AHNAK: variants seen among roughly 807,000 people sequenced by gnomAD.
AHNAK encodes neuroblast differentiation-associated protein AHNAK.
AHNAK carries 23 observed loss-of-function variants against 37.8 expected under a neutral mutation model. The observed-to-expected ratio is 0.61, with a 90% CI of 0.44 to 0.86. AHNAK has a LOEUF of 0.86. AHNAK is among the 40% of genes least tolerant of loss of function. AHNAK has a pLI of 0.00. For missense variants in AHNAK, 7,411 were observed against 7,319.4 expected (o/e 1.01, Z -0.46); for synonymous variants, 2,481 against 2,636.3 (o/e 0.94, Z 1.80).
chr11:62,507,198 C>T lies in AHNAK; in HGVS notation c.343-15367G>A, dbSNP rs914327872. Among the ~76,000 whole-genome samples, 6 of 152,268 alleles carry T rather than the reference C, an allele frequency of 3.9e-5. No homozygotes were observed. The South Asian group carries it at 1.0e-3, about 26-fold the overall frequency. ...TGGGCTTTTCAGTCAGCACAGACCCCCGTGTGAATCCTGACTCTGCTGTTT... is the reference window on the plus strand; with the variant it reads ...TGGGCTTTTCAGTCAGCACAGACCCTCGTGTGAATCCTGACTCTGCTGTTT... On this transcript the variant is annotated intron_variant, in intron 4 of 5. Coordinates refer to the AHNAK transcript ENST00000257247.
Position 62,524,108 on chromosome 11 carries a change from C to A in AHNAK, c.10309G>T (p.Gly3437Cys). Residue 3437 changes from glycine (G) to cysteine (C), a missense_variant, in exon 5 of 5, where the codon GGT (glycine) becomes TGT (cysteine). By Grantham distance (159) the Gly-to-Cys change is radical (BLOSUM62 -3). Transcript: ENST00000378024. The stretch of plus-strand genomic sequence containing the variant: ...TTAAAGTCACCTTCTAAATTGGGAC[C>A]TGCAATATCTAAGTCTCCTTTGACT... ...PKVKGDLDIA[G>C]PNLEGDFKGP... The A allele has an allele frequency of 1.2e-6, 2 of 1,614,072 alleles. No homozygotes were observed. Among genetic ancestry groups the A allele is most frequent in the Non-Finnish European group, 1.7e-6 (2 of 1,180,022 alleles).
At chr11:62,440,473 G>A (rs1187104421) in intron 5 of AHNAK, among the ~76,000 whole-genome samples, 3 of 152,068 alleles carry the variant, frequency 2.0e-5, no homozygotes, top group African/African-American at 2.4e-5. Flanking sequence ...CAGAGGGAAC[G>A]GCAGACACAG....
rs936023498 is a variant in AHNAK at position 62,525,983 on chromosome 11, C to T, written c.8434G>A (p.Glu2812Lys). ...CTTTTCCACTTTCCTTCAGGTCCTT[C>T]GATATTCACATCGGGACATTCAACA... The part of the protein sequence containing the change: ...VDVECPDVNI[E>K]GPEGKWKSPK... Residue 2812 changes from glutamate (E) to lysine (K), a missense_variant, in exon 5 of 5, where the codon GAA becomes AAA. Coordinates refer to ENST00000378024, the MANE Select transcript of AHNAK (RefSeq NM_001620.3). 1.9e-6 allele frequency: 3 copies of T among 1,613,998 alleles called. No individual in the cohort carries two copies. The highest frequency in any genetic ancestry group is 1.3e-5 in the African/African-American group (1 of 74,966).
Position 62,524,683 on chromosome 11 carries a change from T to G in AHNAK, c.9734A>C (p.Glu3245Ala), listed in dbSNP as rs749591050. 1 of 1,614,222 alleles carries G rather than the reference T, an allele frequency of 6.2e-7. No homozygotes were observed. The highest frequency in any genetic ancestry group is 8.5e-7 in the Non-Finnish European group (1 of 1,180,036). ...AAGAGCAGGTCCTTTCAAATCACCT[T>G]CTACATTTGCAAGTGAAACATCCAC... ...GEVDVSLANV[E>A]GDLKGPALDI... is the part of the protein sequence containing the mutation. Residue 3245 changes from glutamate to alanine, a missense_variant, in exon 5 of 5, where the codon GAA becomes GCA. Transcript: ENST00000378024.
At chr11:62,481,775 C>G (rs1473693330) in intron 5 of AHNAK, among the ~76,000 whole-genome samples, 2 of 151,654 alleles carry the variant, frequency 1.3e-5, no homozygotes, top group African/African-American at 4.9e-5. Context: ...GACGGGGTTT[C>G]ACCGTGGTCT....
In AHNAK at chr11:62,516,538, A is replaced by G. The variant is rs557370109; in HGVS notation, c.*206T>C. ...ACTGTTGACTTTGCACATGGGCTGG[A>G]CGAACTTGGAACTCTTTACCTATCT... On this transcript the variant is annotated 3_prime_UTR_variant, in exon 5 of 5. Coordinates refer to ENST00000378024, the MANE Select transcript of AHNAK (RefSeq NM_001620.3). 968 of 1,419,092 alleles carry G rather than the reference A, an allele frequency of 6.8e-4. 4 individuals are homozygous for G. The African/African-American group carries it at 0.011, about 16-fold the overall frequency. The allele number at this position is 1,419,092 out of a possible 1,614,324, so 87.9% of individuals were successfully genotyped here.
chr11:62,518,270 G>A lies in AHNAK; in HGVS notation c.16147C>T (p.Pro5383Ser), dbSNP rs149314313. 5 of 1,613,980 alleles carry A rather than the reference G, an allele frequency of 3.1e-6. No homozygotes were observed. The highest frequency in any genetic ancestry group is 4.2e-6 in the Non-Finnish European group (5 of 1,180,022). Reference protein sequence around the residue: ...DLAVSGDIKCPKVSVGAPDLS... With the variant: ...DLAVSGDIKCSKVSVGAPDLS... ...TCAGGAGCTCCTACGGATACTTTAG[G>A]GCATTTGATGTCACCAGAGACAGCC... Residue 5383 changes from proline (P) to serine (S), a missense_variant, in exon 5 of 5, where the codon CCT becomes TCT. Physicochemically the swap from Pro to Ser is moderately conservative, Grantham distance 74. Transcript: ENST00000378024.
Position 62,526,336 on chromosome 11 carries a change from T to G in AHNAK, c.8081A>C (p.Lys2694Thr). The G allele has an allele frequency of 1.2e-6, 2 of 1,613,030 alleles. No individual in the cohort carries two copies. The highest frequency in any genetic ancestry group is 1.7e-6 in the Non-Finnish European group (2 of 1,179,724). The stretch of plus-strand genomic sequence containing the variant: ...GATATTCATCTCTGGCATCTTGAAC[T>G]TAGGCCCTTTCAACTTTCCCTCTGG... ...EGPEGKLKGP[K>T]FKMPEMNIKA... Residue 2694 changes from lysine (K) to threonine (T), a missense_variant, in exon 5 of 5, where the codon AAG (lysine) becomes ACG (threonine). Physicochemically the swap from Lys to Thr is moderately conservative, Grantham distance 78 (BLOSUM62 -1). Transcript: ENST00000378024.
At chr11:62,484,387 G>GAATA (rs961385546) in intron 5 of AHNAK, among the ~76,000 whole-genome samples, 11 of 151,976 alleles carry the variant, frequency 7.2e-5, no homozygotes, top group African/African-American at 1.7e-4. Context: ...CCCTGTCTCT[G>GAATA]AATAAATAAA....
rs890625731 is a variant in AHNAK, at chr11:62,520,470, G to A, written c.13947C>T (p.His4649=). ...GCATTTTCACTTTGGGCATTTTTAG[G>A]TGCCAGTCTGGGCCTTGAACGTCCA... The part of the protein sequence containing the change: ...PDVDVQGPDW[H]LKMPKVKMPK... The change falls in exon 5 of 5, where the codon CAC becomes CAT. Residue 4649 remains histidine, a synonymous_variant. Coordinates refer to ENST00000378024, the MANE Select transcript of AHNAK (RefSeq NM_001620.3). 6.8e-6 allele frequency: 11 copies of A among 1,613,908 alleles called. No homozygotes were observed. Among genetic ancestry groups the A allele is most frequent in the South Asian group, 1.1e-5 (1 of 91,076 alleles).
chr11:62,475,901 G>A (rs1038873383), intron 5 of AHNAK, among the ~76,000 whole-genome samples: 3 of 152,034 alleles, frequency 2.0e-5, no homozygotes, highest in African/African-American at 4.8e-5. Flanking sequence ...CACCGCCCCC[G>A]GCTATATATC....
chr11:62,475,129 C>G (rs923441955), intron 5 of AHNAK, among the ~76,000 whole-genome samples: 4 of 152,162 alleles, frequency 2.6e-5, no homozygotes, highest in African/African-American at 9.7e-5. Context: ...AAGGTGAAAC[C>G]CTGTCTCTAC....
At chr11:62,502,767 A>G (rs1483577599) in intron 4 of AHNAK, among the ~76,000 whole-genome samples, 1 of 152,194 alleles carries the variant, frequency 6.6e-6, no homozygotes. Context: ...CTGAAACCCA[A>G]AGGATGAGGA....
At chr11:62,477,324 T>G (rs747357247) in intron 5 of AHNAK, among the ~76,000 whole-genome samples, 41 of 152,184 alleles carry the variant, frequency 2.7e-4, no homozygotes, top group Non-Finnish European at 7.3e-5. Flanking sequence ...AAATACATGG[T>G]CTGAAGCCGC....
intron 4 of AHNAK, among the ~76,000 whole-genome samples, chr11:62,495,302 A>G (rs1205424491): frequency 6.6e-6 from 1 of 152,200 alleles, no homozygotes; most frequent in African/African-American, 2.4e-5. Flanking sequence ...GAAAGAAGGA[A>G]AAAAAATCCA....
intron 5 of AHNAK, among the ~76,000 whole-genome samples, chr11:62,487,428 T>A (rs1375788747): frequency 6.6e-6 from 1 of 152,212 alleles, no homozygotes; most frequent in Non-Finnish European, 1.5e-5. Context: ...TCCAACACAA[T>A]GAGTTTATAG....
rs1314166032 is a variant in AHNAK, at chr11:62,517,509, C to G, written c.16908G>C (p.Gln5636His). The G allele has an allele frequency of 6.2e-7, 1 of 1,614,078 alleles. No individual in the cohort carries two copies. The highest frequency in any genetic ancestry group is 1.3e-5 in the African/African-American group (1 of 74,910). The change falls in exon 5 of 5, where the codon CAG becomes CAC. Residue 5636 changes from glutamine (Q) to histidine (H), a missense_variant. Transcript: ENST00000378024. Reference sequence around the variant, plus strand: ...GCCCAGACACACTCAGCCCAGGAGCCTGGAGTCCAATCTGACCTCCTTTCA... The same window carrying G: ...GCCCAGACACACTCAGCCCAGGAGCGTGGAGTCCAATCTGACCTCCTTTCA... ...GGVKGGQIGLQAPGLSVSGPQ... is the reference protein window; with the variant it reads ...GGVKGGQIGLHAPGLSVSGPQ...
At position 62,523,568 on chromosome 11, in the gene AHNAK, C is replaced by T. The variant is rs1247672105; in HGVS notation, c.10849G>A (p.Gly3617Arg). 3.1e-6 allele frequency: 5 copies of T among 1,614,066 alleles called. No individual in the cohort carries two copies. In the Admixed American group the frequency reaches 5.0e-5, roughly 16 times the overall value. ...GTAACATCGACTTCAGGGCCTTCTC[C>T]TTTGAAGCCAGGCATGCTGAACTTG... ...MPKFSMPGFK[G>R]EGPEVDVTLP... Residue 3617 changes from glycine to arginine, a missense_variant, in exon 5 of 5, where the codon GGA becomes AGA. Physicochemically the swap from Gly to Arg is moderately radical, Grantham distance 125. Transcript: ENST00000378024.
Position 62,527,387 on chromosome 11 carries a change from G to C in AHNAK, c.7030C>G (p.Pro2344Ala). Residue 2344 changes from proline to alanine, a missense_variant, in exon 5 of 5, where the codon CCA (proline) becomes GCA (alanine). Transcript: ENST00000378024. ...TTGGGACCTTTGACATCCAATTCTG[G>C]ACCTTTTAACTCTCCCTCCAGCTTT... Reference protein sequence around the residue: ...APKLEGELKGPELDVKGPKLD... With the variant: ...APKLEGELKGAELDVKGPKLD... The C allele has an allele frequency of 6.2e-7, 1 of 1,614,132 alleles. No individual in the cohort carries two copies. Among genetic ancestry groups the C allele is most frequent in the Non-Finnish European group, 8.5e-7 (1 of 1,180,018 alleles).
Sources: allele counts gnomAD v4.1 joint callset (sites outside exome capture counted in the v4.1 genomes callset), GRCh38; gene constraint gnomAD v4.1.1; transcripts MANE v1.5; gene names NCBI Gene and HGNC (gene_info 2026-07-23, HGNC 2026-07-21).